The following FREM1 variants were observed in gnomAD, a reference collection of about 807,000 sequenced individuals.
FREM1 encodes FRAS1 related extracellular matrix 1, also known as FRAS1-related extracellular matrix protein 1.
FREM1 carries 220 observed loss-of-function variants against 210.1 expected under a neutral mutation model. The ratio of observed to expected loss-of-function variants is 1.05; its 90% confidence interval spans 0.94 to 1.17. The LOEUF is 1.17. Among genes scored for constraint, FREM1 ranks in the 50% most tolerant of loss-of-function variants. FREM1 has a pLI of 0.00. For synonymous variants in FREM1, 1,189 were observed against 980.2 expected (o/e 1.21, Z -3.98); for missense variants, 3,454 against 2,675.5 (o/e 1.29, Z -6.42).
intron 1 of FREM1, among the ~76,000 whole-genome samples, chr9:14,905,764 G>C (rs935995202): frequency 6.6e-6 from 1 of 152,270 alleles, no homozygotes; most frequent in Admixed American, 6.5e-5. Flanking sequence ...GGCAGTGCAC[G>C]CCTGTAGTCC....
At chr9:14,796,304 T>C (rs886223558) in intron 21 of FREM1, among the ~76,000 whole-genome samples, 5 of 152,102 alleles carry the variant, frequency 3.3e-5, no homozygotes, top group African/African-American at 4.8e-5. Flanking sequence ...TGTTGCACTA[T>C]TGAAAAAAGA....
chr9:14,818,900 C>G (rs1226271201), intron 14 of FREM1, among the ~76,000 whole-genome samples: 1 of 152,190 alleles, frequency 6.6e-6, no homozygotes, highest in African/African-American at 2.4e-5. Flanking sequence ...ATTAGCCTCA[C>G]AGATTATTTC....
intron 1 of FREM1, among the ~76,000 whole-genome samples, chr9:14,889,427 A>T (rs1443307078): frequency 6.6e-6 from 1 of 152,114 alleles, no homozygotes; most frequent in Non-Finnish European, 1.5e-5. Context: ...TCCCTTAGCC[A>T]TTTGTGTGTT....
intron 6 of FREM1, among the ~76,000 whole-genome samples, chr9:14,850,005 C>T (rs1015175361): frequency 1.3e-5 from 2 of 152,192 alleles, no homozygotes; most frequent in Non-Finnish European, 2.9e-5. Context: ...CCTTTGTCTT[C>T]CCTTGAGGCT....
chr9:14,809,589 G>A (rs376073455), intron 16 of FREM1, among the ~76,000 whole-genome samples: 45 of 152,138 alleles, frequency 3.0e-4, no homozygotes, highest in Non-Finnish European at 6.0e-4. Context: ...ACAATCAGCC[G>A]TCAATGTGAG....
chr9:14,903,999 G>A (rs1248580585), intron 1 of FREM1, among the ~76,000 whole-genome samples: 1 of 151,274 alleles, frequency 6.6e-6, no homozygotes, highest in Non-Finnish European at 1.5e-5. Context: ...GCAGGCGCCT[G>A]TAGTCCCAGC....
intron 30 of FREM1, among the ~76,000 whole-genome samples, 184 bp downstream of exon 30, chr9:14,749,943 A>G (rs117423112): frequency 6.6e-6 from 1 of 152,234 alleles, no homozygotes; most frequent in Admixed American, 6.5e-5. Context: ...GATCGTACTT[A>G]GCAGGAGGAA....
chr9:14,883,391 T>A (rs2132196524), intron 1 of FREM1, among the ~76,000 whole-genome samples: 1 of 152,222 alleles, frequency 6.6e-6, no homozygotes. Context: ...TATGCTTTGT[T>A]TGGTTTTATT....
chr9:14,737,506 GT>G lies in FREM1; in HGVS notation c.6429del (p.Gln2143HisfsTer69). 6.2e-7 allele frequency: 1 copy of G among 1,613,172 alleles called. No homozygotes were observed. On this transcript the variant is annotated frameshift_variant, in exon 37 of 37. Coordinates refer to ENST00000380880, the MANE Select transcript of FREM1 (RefSeq NM_001379081.2). LOFTEE classifies it high-confidence loss of function. ...AFTNGRRGPSQRSKLGKSCVL... is the reference protein window; with the variant it reads ...AFTNGRRGPSXRSKLGKSCVL... ...ACACAGCTCTTTCCAAGCTTGGAGCGTTGAGAGGGCCCTCTTCTCCCATTGG... is the reference window on the plus strand; with the variant it reads ...ACACAGCTCTTTCCAAGCTTGGAGCGTGAGAGGGCCCTCTTCTCCCATTGG...
chr9:14,830,454 A>T (rs1823340286), intron 10 of FREM1, among the ~76,000 whole-genome samples: 1 of 152,144 alleles, frequency 6.6e-6, no homozygotes, highest in East Asian at 1.9e-4. Flanking sequence ...TTACAATCAG[A>T]TTTCAGTACA....
chr9:14,861,126 T>C lies in FREM1; in HGVS notation c.330-1642A>G, dbSNP rs1000215447. 2.0e-5 allele frequency among the ~76,000 whole-genome samples: 2 copies of C among 98,946 alleles called. 1 individual carries two copies. The highest frequency in any genetic ancestry group is 1.1e-4 in the African/African-American group (2 of 17,898). The allele number at this position is 98,946 out of a possible 152,430, so 64.9% of individuals were successfully genotyped here. A position where few individuals can be genotyped will look rare whatever the true frequency, so the allele number is the denominator to read the frequency against. Reference sequence around the variant, plus strand: ...ATATATACACATATATATACATATATACACATATATACATATATACACATA... The same window carrying C: ...ATATATACACATATATATACATATACACACATATATACATATATACACATA... On this transcript the variant is annotated intron_variant, in intron 3 of 36. Coordinates refer to ENST00000380880, the MANE Select transcript of FREM1 (RefSeq NM_001379081.2).
rs1204147184 is a variant in FREM1 at position 14,746,462 on chromosome 9, C to T, written c.6145G>A (p.Glu2049Lys). 6.2e-7 allele frequency: 1 copy of T among 1,611,616 alleles called. No homozygotes were observed. The highest frequency in any genetic ancestry group is 1.3e-5 in the African/African-American group (1 of 74,862). Residue 2049 changes from glutamate (E) to lysine (K), a missense_variant, in exon 35 of 37, where the codon GAA becomes AAA. Glu to Lys is a moderately conservative substitution (Grantham distance 56). Coordinates refer to ENST00000380880, the MANE Select transcript of FREM1 (RefSeq NM_001379081.2). ...CACCCGGCTGGACAGGATTTGTCTT[C>T]CACATCCTGAAAAACAGTTGTCTGT... ...KAWSPQTKDV[E>K]DKSCPAGWHQ...
At chr9:14,785,408 G>T (rs1850265151) in intron 23 of FREM1, among the ~76,000 whole-genome samples, 1 of 152,190 alleles carries the variant, frequency 6.6e-6, no homozygotes, top group Admixed American at 6.5e-5. Context: ...GATGTCTATT[G>T]TTAATATTCC....
At chr9:14,886,693 C>A (rs1243808468) in intron 1 of FREM1, among the ~76,000 whole-genome samples, 1 of 151,812 alleles carries the variant, frequency 6.6e-6, no homozygotes, top group Non-Finnish European at 1.5e-5. Flanking sequence ...CCCAGGAGGT[C>A]AAGACCAGCC....
At chr9:14,804,920 TAAAAG>T in intron 19 of FREM1, 31 bp downstream of exon 19, 1 of 1,500,348 alleles carries the variant, frequency 6.7e-7, no homozygotes, top group African/African-American at 1.4e-5. Flanking sequence ...ATCAAAATGA[TAAAAG>T]AGAAATGGAA....
chr9:14,828,515 A>T (rs1300344686), intron 10 of FREM1, among the ~76,000 whole-genome samples: 1 of 151,910 alleles, frequency 6.6e-6, no homozygotes, highest in Non-Finnish European at 1.5e-5. Context: ...TTAGTACATA[A>T]ATATGTACTA....
intron 35 of FREM1, among the ~76,000 whole-genome samples, chr9:14,744,562 T>G (rs1842093512): frequency 1.3e-5 from 2 of 152,130 alleles, no homozygotes; most frequent in Admixed American, 1.3e-4. Flanking sequence ...GTTGGACGCT[T>G]CAGTATTTTA....
At position 14,740,152 on chromosome 9, in the gene FREM1, T is replaced by C; in HGVS notation, c.6337A>G (p.Ile2113Val). The stretch of plus-strand genomic sequence containing the variant: ...AGCCTCCCTCCCAGATACTTGCCTA[T>C]CCAAAAGGACTTTCTCCCACCAATG... ...WDIGGRKSFWIGLNDQVHAGH... is the reference protein window; with the variant it reads ...WDIGGRKSFWVGLNDQVHAGH... Residue 2113 changes from isoleucine to valine, a missense_variant, in exon 36 of 37, where the codon ATA becomes GTA. Coordinates refer to ENST00000380880, the MANE Select transcript of FREM1 (RefSeq NM_001379081.2). 6.2e-7 allele frequency: 1 copy of C among 1,610,822 alleles called. No homozygotes were observed. The highest frequency in any genetic ancestry group is 8.5e-7 in the Non-Finnish European group (1 of 1,177,540).
intron 10 of FREM1, among the ~76,000 whole-genome samples, chr9:14,834,184 G>A (rs1245312707): frequency 6.6e-6 from 1 of 152,108 alleles, no homozygotes; most frequent in Non-Finnish European, 1.5e-5. Flanking sequence ...TAGCCACCTG[G>A]AAAATAAGGC....
Sources: gnomAD v4.1 joint callset for allele counts (sites outside exome capture counted in the v4.1 genomes callset) on GRCh38, gnomAD v4.1.1 for gene constraint, MANE v1.5 for transcripts, NCBI Gene and HGNC (gene_info 2026-07-23, HGNC 2026-07-21) for gene names.